NAALADL2: variants seen among roughly 807,000 people sequenced by gnomAD.
NAALADL2 encodes N-acetylated alpha-linked acidic dipeptidase like 2.
A neutral mutation model predicts 87.2 loss-of-function variants in NAALADL2; 76 were observed. The ratio of observed to expected loss-of-function variants is 0.87; its 90% confidence interval spans 0.72 to 1.05. The LOEUF (loss-of-function observed/expected upper bound fraction) is 1.05. NAALADL2 is among the 50% of genes least tolerant of loss of function. The pLI, the probability that NAALADL2 is intolerant of heterozygous loss-of-function variation, is 0.00. For synonymous variants in NAALADL2, 354 were observed against 331.0 expected (o/e 1.07, Z -0.75); for missense variants, 1,089 against 945.8 (o/e 1.15, Z -1.99).
At chr3:174,520,213 A>G (rs2108409662) in intron 1 of NAALADL2, among the ~76,000 whole-genome samples, 1 of 152,336 alleles carries the variant, frequency 6.6e-6, no homozygotes, top group African/African-American at 2.4e-5. Context: ...AGAAAAAACA[A>G]TCCTAAAGTT....
intron 6 of NAALADL2, among the ~76,000 whole-genome samples, chr3:175,459,332 T>C (rs925647044): frequency 6.6e-6 from 1 of 151,982 alleles, no homozygotes; most frequent in African/African-American, 2.4e-5. Flanking sequence ...GGTGGGTAGA[T>C]AGATACAGCC....
At chr3:174,473,739 G>C (rs1717048008) in intron 1 of NAALADL2, among the ~76,000 whole-genome samples, 1 of 152,038 alleles carries the variant, frequency 6.6e-6, no homozygotes, top group Non-Finnish European at 1.5e-5. Flanking sequence ...ATGTTCATTT[G>C]TTATGGATTT....
chr3:175,504,583 C>G (rs1383847133), intron 9 of NAALADL2, among the ~76,000 whole-genome samples: 1 of 95,228 alleles, frequency 1.1e-5, no homozygotes, highest in South Asian at 3.3e-4. Context: ...CTCTCTCTCT[C>G]TCTCTCTCTC....
intron 11 of NAALADL2, among the ~76,000 whole-genome samples, chr3:175,722,554 A>C (rs1742379409): frequency 1.3e-5 from 2 of 152,134 alleles, no homozygotes; most frequent in Non-Finnish European, 2.9e-5. Flanking sequence ...TATCATAACG[A>C]AGGTAAAAAT....
chr3:175,733,893 CT>C (rs1486193923), intron 11 of NAALADL2, among the ~76,000 whole-genome samples: 1 of 152,208 alleles, frequency 6.6e-6, no homozygotes, highest in African/African-American at 2.4e-5. Flanking sequence ...AAATGATCTC[CT>C]TTGACTCCAT....
chr3:175,641,478 T>A (rs1004472022), intron 11 of NAALADL2, among the ~76,000 whole-genome samples: 2 of 152,138 alleles, frequency 1.3e-5, no homozygotes, highest in African/African-American at 4.8e-5. Flanking sequence ...AGAGGCTGGG[T>A]CATAGTTGGT....
Position 175,807,218 on chromosome 3 carries a change from A to G in NAALADL2, c.*4015A>G, listed in dbSNP as rs1247597510. 1 of 151,398 alleles carries G rather than the reference A, an allele frequency of 6.6e-6. No individual in the cohort carries two copies. Among genetic ancestry groups the G allele is most frequent in the East Asian group, 1.9e-4 (1 of 5,168 alleles). 9.4% of individuals were successfully genotyped at this position (151,398 alleles called of 1,614,324 possible). On this transcript the variant is annotated 3_prime_UTR_variant, in exon 14 of 14. Transcript: ENST00000454872. ...AAAGCAGGTGCTGTGATTTAGAACA[A>G]CAGTTTTATGTTATTTTTAAAAATT...
chr3:174,863,841 T>G (rs1163105901), intron 1 of NAALADL2: 11 of 286,198 alleles, frequency 3.8e-5, no homozygotes, highest in Admixed American at 3.4e-4. Flanking sequence ...CATTTTCAAT[T>G]AACAGAAGTG....
At chr3:174,693,724 A>T (rs966470916) in intron 2 of NAALADL2, among the ~76,000 whole-genome samples, 1 of 152,160 alleles carries the variant, frequency 6.6e-6, no homozygotes, top group African/African-American at 2.4e-5. Context: ...GGGAATAAAC[A>T]ATGGAAGATA....
chr3:174,646,705 T>C (rs1421024460), intron 2 of NAALADL2, among the ~76,000 whole-genome samples: 2 of 152,182 alleles, frequency 1.3e-5, no homozygotes, highest in East Asian at 3.8e-4. Context: ...AAATTAATTG[T>C]CTTTAAAATT....
chr3:175,154,741 C>G (rs979460080), intron 2 of NAALADL2, among the ~76,000 whole-genome samples: 6 of 151,996 alleles, frequency 3.9e-5, no homozygotes, highest in African/African-American at 1.2e-4. Context: ...TGATGGATGT[C>G]TTTAGCACTT....
intron 2 of NAALADL2, among the ~76,000 whole-genome samples, chr3:174,671,516 G>A (rs578108307): frequency 6.6e-6 from 1 of 152,204 alleles, no homozygotes; most frequent in African/African-American, 2.4e-5. Flanking sequence ...GAGAACAGGA[G>A]GAACTGTTTC....
intron 1 of NAALADL2, among the ~76,000 whole-genome samples, chr3:175,032,506 C>T (rs1456518750): frequency 6.6e-6 from 1 of 151,944 alleles, no homozygotes; most frequent in Non-Finnish European, 1.5e-5. Flanking sequence ...TGTCAATACA[C>T]AAGCATTACC....
chr3:175,523,892 C>T (rs553921182), intron 9 of NAALADL2, among the ~76,000 whole-genome samples: 29 of 152,326 alleles, frequency 1.9e-4, no homozygotes, highest in Non-Finnish European at 3.7e-4. Context: ...AATTGACATA[C>T]TGACATATTG....
intron 9 of NAALADL2, among the ~76,000 whole-genome samples, chr3:175,568,556 C>T (rs1717582161): frequency 6.6e-6 from 1 of 152,116 alleles, no homozygotes; most frequent in Admixed American, 6.5e-5. Context: ...GTGAAAAGTT[C>T]TGGGATTAAA....
intron 10 of NAALADL2, among the ~76,000 whole-genome samples, chr3:175,619,483 A>AC (rs545147273): frequency 6.6e-4 from 100 of 151,534 alleles, no homozygotes; most frequent in African/African-American, 1.5e-3. Context: ...AAAAAAAAAA[A>AC]AACAACTTAA....
At chr3:175,662,663 C>T (rs1243499307) in intron 11 of NAALADL2, among the ~76,000 whole-genome samples, 2 of 151,732 alleles carry the variant, frequency 1.3e-5, no homozygotes, top group Admixed American at 1.3e-4. Context: ...GTTGTTTCTT[C>T]CACAATAAAA....
At chr3:174,666,885 A>G (rs1464272254) in intron 2 of NAALADL2, among the ~76,000 whole-genome samples, 2 of 152,074 alleles carry the variant, frequency 1.3e-5, no homozygotes, top group African/African-American at 2.4e-5. Context: ...TTTTGTTTCT[A>G]TGAGTTTGAC....
chr3:175,033,762 T>A (rs2108927403), intron 1 of NAALADL2, among the ~76,000 whole-genome samples: 4 of 152,252 alleles, frequency 2.6e-5, no homozygotes, highest in Middle Eastern at 6.8e-3. Flanking sequence ...TTCTTCTCCC[T>A]TTACTCTCAC....
Sources: gnomAD v4.1 joint callset for allele counts (sites outside exome capture counted in the v4.1 genomes callset) on GRCh38, gnomAD v4.1.1 for gene constraint, MANE v1.5 for transcripts, NCBI Gene and HGNC (gene_info 2026-07-23, HGNC 2026-07-21) for gene names.